SATB1: variants seen among roughly 807,000 people sequenced by gnomAD.
SATB1 encodes the protein DNA-binding protein SATB1.
In SATB1, 11 loss-of-function variants were observed where a neutral mutation model predicts 86.9. That is an observed-to-expected ratio of 0.13 (90% CI 0.08 to 0.21). SATB1 has a LOEUF of 0.21. Among genes scored for constraint, SATB1 ranks in the 10% least tolerant of loss-of-function variants. The pLI, the probability that SATB1 is intolerant of heterozygous loss-of-function variation, is 1.00. For synonymous variants in SATB1, 357 were observed against 357.2 expected, an observed-to-expected ratio of 1.00 and a Z score of 0.01; for missense variants, 551 against 937.6, an observed-to-expected ratio of 0.59 and a Z score of 5.39.
chr3:18,366,640 C>T (rs1268116481), intron 9 of SATB1, among the ~76,000 whole-genome samples: 2 of 152,170 alleles, frequency 1.3e-5, no homozygotes, highest in African/African-American at 4.8e-5. Flanking sequence ...TTCGGCTCAT[C>T]TCATACTCTA....
chr3:18,432,136 A>C (rs1216987469), intron 2 of SATB1, among the ~76,000 whole-genome samples: 3 of 152,188 alleles, frequency 2.0e-5, no homozygotes, highest in African/African-American at 7.2e-5. Flanking sequence ...AAACTGTTCA[A>C]CTTATTTCCA....
chr3:18,411,173 C>T (rs1697813822), intron 5 of SATB1: 1 of 330,028 alleles, frequency 3.0e-6, no homozygotes. Flanking sequence ...TTCTCACCCA[C>T]TTTATATGAC....
Position 18,443,694 on chromosome 3 carries a change from C to T in SATB1, c.-25+1824G>A, listed in dbSNP as rs998673010. Among the ~76,000 whole-genome samples, 3 of 152,174 alleles carry T rather than the reference C, an allele frequency of 2.0e-5. No homozygotes were observed. Among genetic ancestry groups the T allele is most frequent in the African/African-American group, 7.2e-5 (3 of 41,430 alleles). On this transcript the variant is annotated intron_variant, in intron 1 of 3. Coordinates refer to the SATB1 transcript ENST00000415069. This position sits in a 1 kb window ranked among gnomAD's most constrained non-coding sequence, Gnocchi z 4.4. ...CTTCGTCCTTCTCGTCGTGGTTTCC[C>T]AAACCCCGGTTCTGCCGGCCCGGGA...
intron 9 of SATB1, among the ~76,000 whole-genome samples, chr3:18,365,518 C>T (rs552193574): frequency 1.3e-5 from 2 of 152,216 alleles, no homozygotes; most frequent in South Asian, 4.1e-4. Flanking sequence ...ATACCAGTCC[C>T]TGCTCTCTGA....
At chr3:18,418,472 G>A (rs935750888) in intron 2 of SATB1, among the ~76,000 whole-genome samples, 7 of 152,212 alleles carry the variant, frequency 4.6e-5, no homozygotes, top group Admixed American at 3.9e-4. Context: ...AAACTCATTC[G>A]GAGGTACCAA....
Position 18,352,205 on chromosome 3 carries a change from A to G in SATB1, c.1576-10T>C. 1.2e-6 allele frequency: 2 copies of G among 1,613,840 alleles called. No homozygotes were observed. Among genetic ancestry groups the G allele is most frequent in the Non-Finnish European group, 1.7e-6 (2 of 1,179,892 alleles). Reference sequence around the variant, plus strand: ...GCTCGCACAACCATCCCTTAGAGACAAGGGCATAATAGGTCAGTTTGTGCC... The same window carrying G: ...GCTCGCACAACCATCCCTTAGAGACGAGGGCATAATAGGTCAGTTTGTGCC... On this transcript the variant is annotated splice_polypyrimidine_tract_variant and intron_variant, in intron 9 of 10. Coordinates refer to ENST00000338745, the MANE Select transcript of SATB1 (RefSeq NM_002971.6). The surrounding 1 kb of genome is among the most constrained non-coding windows in gnomAD (Gnocchi z 4.1).
chr3:18,353,681 T>C (rs1011883680), intron 9 of SATB1, among the ~76,000 whole-genome samples: 1 of 152,132 alleles, frequency 6.6e-6, no homozygotes, highest in Non-Finnish European at 1.5e-5. Context: ...TCAACTGCAA[T>C]ATGTATAGTG....
chr3:18,374,209 C>T (rs952974431), intron 9 of SATB1, among the ~76,000 whole-genome samples: 1 of 152,136 alleles, frequency 6.6e-6, no homozygotes, highest in Non-Finnish European at 1.5e-5. Flanking sequence ...TCAGAGCTCT[C>T]GAGGGGTTTG....
chr3:18,390,013 T>C lies in SATB1; in HGVS notation c.1207-3402A>G, dbSNP rs144071358. Among the ~76,000 whole-genome samples, 26 of 152,300 alleles carry C rather than the reference T, an allele frequency of 1.7e-4. No individual in the cohort carries two copies. The East Asian group carries it at 4.8e-3, about 28-fold the overall frequency. ...ACTAAAGAATGAATTTACTGCTGAA[T>C]TCCTAAACCTGTTTTTACATTCCAA... is the stretch of plus-strand genomic sequence containing the variant. On this transcript the variant is annotated intron_variant, in intron 7 of 10. Coordinates refer to ENST00000338745, the MANE Select transcript of SATB1 (RefSeq NM_002971.6).
intron 1 of SATB1, among the ~76,000 whole-genome samples, chr3:18,437,218 C>A (rs1699095103): frequency 6.6e-6 from 1 of 151,462 alleles, no homozygotes; most frequent in Admixed American, 6.6e-5. Context: ...TGGCCGAAGT[C>A]ATCAAAAAAC....
At chr3:18,421,844 A>G (rs1257845044) in intron 1 of SATB1, among the ~76,000 whole-genome samples, 1 of 137,636 alleles carries the variant, frequency 7.3e-6, no homozygotes, top group African/African-American at 2.9e-5. Flanking sequence ...AAGCTCAATT[A>G]AAAAAAAAAA....
At position 18,347,892 on chromosome 3, in the gene SATB1, C is replaced by CT. The variant is rs1694139626; in HGVS notation, c.*1277dup. The CT allele has an allele frequency of 6.6e-6, 1 of 152,370 alleles. No individual in the cohort carries two copies. The highest frequency in any genetic ancestry group is 6.5e-5 in the Admixed American group (1 of 15,288). 9.4% of individuals were successfully genotyped at this position (152,370 alleles called of 1,614,324 possible). On this transcript the variant is annotated 3_prime_UTR_variant, in exon 11 of 11. Coordinates refer to ENST00000338745, the MANE Select transcript of SATB1 (RefSeq NM_002971.6). ...CATGCACCTAAATGAGAGGGCCATC[C>CT]TTTGACTCCTTTAGTTACTTCACAT...
chr3:18,431,830 G>C (rs1488867333), intron 2 of SATB1, among the ~76,000 whole-genome samples: 1 of 152,148 alleles, frequency 6.6e-6, no homozygotes, highest in Non-Finnish European at 1.5e-5. Flanking sequence ...GAAGCTACTG[G>C]ATCATTGATT....
intron 1 of SATB1, 53 bp downstream of exon 1, chr3:18,423,574 A>G (rs1310442254): frequency 6.6e-6 from 1 of 152,190 alleles, no homozygotes; most frequent in Admixed American, 6.5e-5. Flanking sequence ...ATCTAGAAAC[A>G]GAAACACTGC....
At position 18,444,595 on chromosome 3, in the gene SATB1, A is replaced by G. The variant is rs558032596; in HGVS notation, c.-25+923T>C. Reference sequence around the variant, plus strand: ...AGCAAGGGGAAAAGGGAGGCAAAAGAGCAGAACTCACTCAGGCATGGACGT... The same window carrying G: ...AGCAAGGGGAAAAGGGAGGCAAAAGGGCAGAACTCACTCAGGCATGGACGT... On this transcript the variant is annotated intron_variant, in intron 1 of 3. Coordinates refer to the SATB1 transcript ENST00000415069. The surrounding 1 kb of genome is among the most constrained non-coding windows in gnomAD (Gnocchi z 5.1). The G allele has an allele frequency of 6.8e-5, 67 of 985,546 alleles. No individual in the cohort carries two copies. In the African/African-American group the frequency reaches 1.0e-3, roughly 15 times the overall value. The allele number at this position is 985,546 out of a possible 1,614,324, so 61.1% of individuals were successfully genotyped here.
chr3:18,416,774 C>A (rs574961397), intron 3 of SATB1, 128 bp downstream of exon 3: 24 of 906,512 alleles, frequency 2.6e-5, no homozygotes, highest in Non-Finnish European at 3.7e-5. Context: ...TTTTTAAAGC[C>A]ACAGCCTATA....
chr3:18,346,198 T>C lies in SATB1; in HGVS notation c.*2972A>G, dbSNP rs1286807436. The C allele has an allele frequency of 6.6e-6, 1 of 152,130 alleles. No homozygotes were observed. Among genetic ancestry groups the C allele is most frequent in the African/African-American group, 2.4e-5 (1 of 41,442 alleles). The allele number at this position is 152,130 out of a possible 1,614,324, so 9.4% of individuals were successfully genotyped here. A position where few individuals can be genotyped will look rare whatever the true frequency, so the allele number is the denominator to read the frequency against. ...AAGGAGATACTATCAACATTTTTTT[T>C]TGCATAATGTGCAAGTATTATATGG... On this transcript the variant is annotated 3_prime_UTR_variant, in exon 11 of 11. Coordinates refer to ENST00000338745, the MANE Select transcript of SATB1 (RefSeq NM_002971.6).
intron 9 of SATB1, among the ~76,000 whole-genome samples, chr3:18,374,698 A>T (rs948457617): frequency 6.6e-6 from 1 of 152,198 alleles, no homozygotes; most frequent in Non-Finnish European, 1.5e-5. Context: ...GGAATCCACG[A>T]GTTGGCTTCT....
At chr3:18,429,255 T>C (rs1285235904), upstream of SATB1, among the ~76,000 whole-genome samples, 1 of 152,214 alleles carries the variant, frequency 6.6e-6, no homozygotes, top group Non-Finnish European at 1.5e-5. This position sits in a 1 kb window ranked among gnomAD's most constrained non-coding sequence, Gnocchi z 4.1. Context: ...TCAGGACCGA[T>C]TTCTGCATCG....
Sources: allele counts gnomAD v4.1 joint callset (sites outside exome capture counted in the v4.1 genomes callset), GRCh38; gene constraint gnomAD v4.1.1; non-coding constraint Gnocchi (gnomAD v3.1); transcripts MANE v1.5; gene names NCBI Gene and HGNC (gene_info 2026-07-23, HGNC 2026-07-21).